The following KLHL3 variants were observed in gnomAD, a reference collection of about 807,000 sequenced individuals.
KLHL3 encodes the protein kelch like family member 3.
Under a neutral mutation model 70.5 loss-of-function variants are expected in KLHL3, and 19 were observed. That is an observed-to-expected ratio of 0.27 (90% CI 0.19 to 0.40). The LOEUF (loss-of-function observed/expected upper bound fraction) is 0.40. KLHL3 is among the 10% of genes least tolerant of loss of function. The probability of loss-of-function intolerance (pLI) is 1.00; values close to 1 mark genes in which losing one functional copy is unlikely to be tolerated. For missense variants in KLHL3, 512 were observed against 771.1 expected, an observed-to-expected ratio of 0.66 and a Z score of 3.98; for synonymous variants, 258 against 290.3, an observed-to-expected ratio of 0.89 and a Z score of 1.13.
intron 1 of KLHL3, among the ~76,000 whole-genome samples, chr5:137,725,600 G>A (rs1753073260): frequency 6.6e-6 from 1 of 152,162 alleles, no homozygotes; most frequent in Non-Finnish European, 1.5e-5. Flanking sequence ...GAGAAAGTAT[G>A]GGCCAGGCAG....
intron 3 of KLHL3, among the ~76,000 whole-genome samples, chr5:137,705,677 T>A (rs1388168387): frequency 1.3e-5 from 2 of 152,204 alleles, no homozygotes; most frequent in Non-Finnish European, 2.9e-5. Context: ...GCCCATATAT[T>A]CTGTAGACCT....
chr5:137,646,597 A>C (rs533279090), intron 8 of KLHL3, among the ~76,000 whole-genome samples: 7 of 152,320 alleles, frequency 4.6e-5, no homozygotes, highest in Admixed American at 2.0e-4. Context: ...CTAGCTACTT[A>C]AGAAGACCAC....
chr5:137,643,353 TCAA>T (rs1561588076), intron 8 of KLHL3, among the ~76,000 whole-genome samples: 1 of 94,254 alleles, frequency 1.1e-5, no homozygotes, highest in Non-Finnish European at 2.3e-5. Flanking sequence ...AGACCCTGTC[TCAA>T]AAAAAAAAAA....
intron 1 of KLHL3, chr5:137,720,929 C>T: frequency 1.9e-6 from 2 of 1,043,510 alleles, no homozygotes; most frequent in African/African-American, 1.7e-5. Flanking sequence ...CAAGCATTTA[C>T]TGGAGGCTAC....
rs780156719 is a variant in KLHL3, at chr5:137,625,882, T to G, written c.1606A>C (p.Asn536His). The G allele has an allele frequency of 1.9e-6, 3 of 1,614,010 alleles. No homozygotes were observed. The highest frequency in any genetic ancestry group is 2.5e-6 in the Non-Finnish European group (3 of 1,180,024). ...CCTCCAACCACATACAGGAGCCCAT[T>G]TACTGCACAGACCCCTGTGAGTCAA... ...CRRNAGVCAV[N>H]GLLYVVGGDD... Residue 536 changes from asparagine to histidine, a missense_variant, in exon 14 of 15, where the codon AAT becomes CAT. Coordinates refer to ENST00000309755, the MANE Select transcript of KLHL3 (RefSeq NM_017415.3).
chr5:137,661,854 A>C (rs776648928), intron 7 of KLHL3, 61 bp downstream of exon 7: 1 of 940,620 alleles, frequency 1.1e-6, no homozygotes, highest in Non-Finnish European at 1.7e-6. Flanking sequence ...AGGATTGCCC[A>C]TTGCTATTCC....
In KLHL3 at chr5:137,627,485, C is replaced by A. The variant is rs867605627; in HGVS notation, c.1591+812G>T. ...AATTAGTAAATATCACCACCCCCCC[C>A]CCCGGTTTACACTTCCAAGTCAGCC... is the stretch of plus-strand genomic sequence containing the variant. On this transcript the variant is annotated intron_variant, in intron 13 of 14. Coordinates refer to ENST00000309755, the MANE Select transcript of KLHL3 (RefSeq NM_017415.3). Among the ~76,000 whole-genome samples, 12 of 129,866 alleles carry A rather than the reference C, an allele frequency of 9.2e-5. 2 individuals are homozygous for A. Among genetic ancestry groups the A allele is most frequent in the East Asian group, 5.0e-4 (2 of 4,034 alleles). 85.2% of individuals were successfully genotyped at this position (129,866 alleles called of 152,430 possible).
At chr5:137,676,076 T>A (rs2149906602) in intron 6 of KLHL3, among the ~76,000 whole-genome samples, 1 of 152,304 alleles carries the variant, frequency 6.6e-6, no homozygotes, top group African/African-American at 2.4e-5. Context: ...CACACACGCA[T>A]TCAAGGAAGC....
At chr5:137,719,826 T>C (rs1156763906) in intron 2 of KLHL3, among the ~76,000 whole-genome samples, 3 of 152,210 alleles carry the variant, frequency 2.0e-5, no homozygotes, top group Non-Finnish European at 4.4e-5. Flanking sequence ...GTGTGGGTGT[T>C]GCAATCATTC....
chr5:137,677,040 G>A (rs1486862612), intron 6 of KLHL3, among the ~76,000 whole-genome samples: 1 of 151,988 alleles, frequency 6.6e-6, no homozygotes, highest in Non-Finnish European at 1.5e-5. Flanking sequence ...GATCATCACT[G>A]TTATTTCTTC....
chr5:137,641,979 T>G (rs536300283), intron 8 of KLHL3, among the ~76,000 whole-genome samples: 1 of 152,316 alleles, frequency 6.6e-6, no homozygotes, highest in East Asian at 1.9e-4. Context: ...GAATTCTACA[T>G]TACTTCCCAT....
Position 137,677,135 on chromosome 5 carries a change from T to C in KLHL3, c.636+410A>G, listed in dbSNP as rs1751903176. 2.6e-5 allele frequency among the ~76,000 whole-genome samples: 4 copies of C among 151,828 alleles called. No homozygotes were observed. The South Asian group carries it at 8.3e-4, about 32-fold the overall frequency. On this transcript the variant is annotated intron_variant, in intron 6 of 14. Coordinates refer to ENST00000309755, the MANE Select transcript of KLHL3 (RefSeq NM_017415.3). Reference sequence around the variant, plus strand: ...TTAAAGGGATTAAAAAAAAAAGCTGTTGTTTTTCTCTGAAAGAAAAGAAAA... The same window carrying C: ...TTAAAGGGATTAAAAAAAAAAGCTGCTGTTTTTCTCTGAAAGAAAAGAAAA...
At chr5:137,658,072 G>C (rs1751386370) in intron 8 of KLHL3, 59 bp downstream of exon 8, 1 of 1,529,418 alleles carries the variant, frequency 6.5e-7, no homozygotes, top group Non-Finnish European at 8.8e-7. Flanking sequence ...GGCAGGAGTG[G>C]AAGGCCACTT....
intron 8 of KLHL3, among the ~76,000 whole-genome samples, chr5:137,646,360 T>A (rs1465258995): frequency 6.6e-6 from 1 of 152,190 alleles, no homozygotes; most frequent in Non-Finnish European, 1.5e-5. Context: ...TACAGCCCAG[T>A]ATGGTCAAAA....
At chr5:137,675,700 C>T (rs1166233947) in intron 6 of KLHL3, among the ~76,000 whole-genome samples, 1 of 152,176 alleles carries the variant, frequency 6.6e-6, no homozygotes, top group African/African-American at 2.4e-5. Flanking sequence ...TACTCCCCGC[C>T]AGACACAGCA....
intron 14 of KLHL3, among the ~76,000 whole-genome samples, chr5:137,623,270 A>G (rs1255977757): frequency 6.6e-6 from 1 of 152,256 alleles, no homozygotes; most frequent in Non-Finnish European, 1.5e-5. Context: ...TTATTTTAAC[A>G]TAGTCCCACA....
intron 2 of KLHL3, among the ~76,000 whole-genome samples, chr5:137,712,620 T>C (rs1460331400): frequency 2.0e-5 from 3 of 152,188 alleles, no homozygotes; most frequent in Non-Finnish European, 4.4e-5. Flanking sequence ...CTATTCAATT[T>C]ACCTGGGATC....
intron 8 of KLHL3, among the ~76,000 whole-genome samples, chr5:137,640,738 C>CT (rs551877188): frequency 1.3e-5 from 2 of 152,110 alleles, no homozygotes; most frequent in Admixed American, 6.5e-5. Flanking sequence ...CAGCCACCCC[C>CT]CCCAACTCCT....
At chr5:137,645,400 T>C (rs900581966) in intron 8 of KLHL3, among the ~76,000 whole-genome samples, 2 of 152,018 alleles carry the variant, frequency 1.3e-5, no homozygotes, top group African/African-American at 4.8e-5. Context: ...TCTTATATAT[T>C]AAAAAGCCTA....
Sources: allele counts gnomAD v4.1 joint callset (sites outside exome capture counted in the v4.1 genomes callset), GRCh38; gene constraint gnomAD v4.1.1; transcripts MANE v1.5; gene names NCBI Gene and HGNC (gene_info 2026-07-23, HGNC 2026-07-21).